The following SOX6 variants were observed in gnomAD, a reference collection of about 807,000 sequenced individuals.
SOX6 encodes the protein SRY-box transcription factor 6.
A neutral mutation model predicts 97.8 loss-of-function variants in SOX6; 11 were observed. The ratio of observed to expected loss-of-function variants is 0.11; its 90% CI spans 0.07 to 0.19. The LOEUF is 0.19. Among genes scored for constraint, SOX6 ranks in the 10% least tolerant of loss-of-function variants. SOX6 has a pLI of 1.00. For synonymous variants in SOX6, 360 were observed against 371.4 expected (o/e 0.97, Z 0.35); for missense variants, 810 against 1,039.5 (o/e 0.78, Z 3.04).
intron 1 of SOX6, among the ~76,000 whole-genome samples, chr11:16,401,731 C>A (rs1858563957): frequency 6.6e-6 from 1 of 151,356 alleles, no homozygotes; most frequent in Non-Finnish European, 1.5e-5. Context: ...CAAAGGAACA[C>A]GGCTTCTCAA....
chr11:16,506,978 C>A (rs539344068), intron 4 of SOX6, among the ~76,000 whole-genome samples: 2 of 143,086 alleles, frequency 1.4e-5, no homozygotes, highest in African/African-American at 5.1e-5. Context: ...GCATGAGAAT[C>A]ACTTGAGCCA....
At chr11:16,058,026 T>C (rs1006637368) in intron 9 of SOX6, among the ~76,000 whole-genome samples, 1 of 152,124 alleles carries the variant, frequency 6.6e-6, no homozygotes, top group Non-Finnish European at 1.5e-5. Context: ...GTCTTTGTAT[T>C]CTAGGAAACT....
intron 2 of SOX6, among the ~76,000 whole-genome samples, chr11:16,727,228 A>T (rs552214293): frequency 1.9e-4 from 28 of 149,214 alleles, no homozygotes; most frequent in Admixed American, 6.7e-4. Context: ...ATTATTTTCC[A>T]TCTTTTTAAT....
At chr11:16,616,331 G>C (rs915375005) in intron 3 of SOX6, among the ~76,000 whole-genome samples, 5 of 151,996 alleles carry the variant, frequency 3.3e-5, no homozygotes, top group Admixed American at 6.6e-5. Flanking sequence ...AAATTTGATA[G>C]TTTACCTCAG....
chr11:16,561,856 G>A (rs1006600658), intron 4 of SOX6, among the ~76,000 whole-genome samples: 1 of 151,920 alleles, frequency 6.6e-6, no homozygotes, highest in African/African-American at 2.4e-5. Context: ...AGCCTCCCTA[G>A]GAGCTAGGAC....
intron 4 of SOX6, among the ~76,000 whole-genome samples, chr11:16,540,899 A>C (rs1291049411): frequency 1.3e-5 from 2 of 152,194 alleles, no homozygotes; most frequent in Non-Finnish European, 2.9e-5. Context: ...ATACTGCCCA[A>C]GGTAATTTAT....
At chr11:16,578,949 T>G (rs578219266) in intron 4 of SOX6, among the ~76,000 whole-genome samples, 1 of 152,232 alleles carries the variant, frequency 6.6e-6, no homozygotes, top group Non-Finnish European at 1.5e-5. Context: ...TGAAAAAAGC[T>G]TGTTTCCTTG....
At chr11:16,640,310 G>C (rs189336005) in intron 3 of SOX6, among the ~76,000 whole-genome samples, 5,155 of 152,288 alleles carry the variant, frequency 0.034, 122 homozygotes, top group Non-Finnish European at 0.056. Context: ...GATTCGGTTT[G>C]CCAGTATTTT....
intron 3 of SOX6, among the ~76,000 whole-genome samples, chr11:16,711,685 C>T (rs1268212821): frequency 1.3e-5 from 2 of 152,070 alleles, no homozygotes; most frequent in Non-Finnish European, 2.9e-5. Context: ...ACTTACTGAT[C>T]ATCTTTCTTT....
rs574741347 is a variant in SOX6 at position 16,607,398 on chromosome 11, G to C, written n.609+4683C>G. ...GGGAGGGCTCCTTGTGCGCTGCGCC[G>C]CAGGAGTAAATGGCATTAAAGAAAA... On this transcript the variant is annotated intron_variant and non_coding_transcript_variant, in intron 4 of 5. Transcript: ENST00000524520. This position sits in a 1 kb window ranked among gnomAD's most constrained non-coding sequence, Gnocchi z 6.5. 1 of 152,398 alleles carries C rather than the reference G, an allele frequency of 6.6e-6. No individual in the cohort carries two copies. Among genetic ancestry groups the C allele is most frequent in the South Asian group, 2.1e-4 (1 of 4,834 alleles). The allele number at this position is 152,398 out of a possible 1,614,324, so 9.4% of individuals were successfully genotyped here. A position where few individuals can be genotyped will look rare whatever the true frequency, so the allele number is the denominator to read the frequency against.
rs371221686 is a variant in SOX6, at chr11:16,209,691, G to C, written c.536-22736C>G. Among the ~76,000 whole-genome samples the C allele has an allele frequency of 1.4e-3, 210 of 152,212 alleles. 1 individual carries two copies. Among genetic ancestry groups the C allele is most frequent in the African/African-American group, 4.7e-3 (196 of 41,538 alleles). On this transcript the variant is annotated intron_variant, in intron 4 of 15. Transcript: ENST00000683767. ...TCGTTTCAGCCTGGAAGGCGGAGAT[G>C]GTAGTGAGCTAAGCTCGTACCACAG...
At chr11:16,706,368 A>C (rs1284762256) in intron 3 of SOX6, among the ~76,000 whole-genome samples, 9 of 145,162 alleles carry the variant, frequency 6.2e-5, no homozygotes, top group African/African-American at 2.3e-4. Context: ...GGATCACTTA[A>C]GCCTGGGAGG....
At chr11:16,500,025 C>T (rs1172451952) in intron 4 of SOX6, among the ~76,000 whole-genome samples, 1 of 152,144 alleles carries the variant, frequency 6.6e-6, no homozygotes, top group Non-Finnish European at 1.5e-5. Context: ...AATTTTAGAC[C>T]AATATCCCTG....
At chr11:16,626,913 T>C (rs1285244817) in intron 3 of SOX6, among the ~76,000 whole-genome samples, 4 of 152,298 alleles carry the variant, frequency 2.6e-5, no homozygotes, top group South Asian at 2.1e-4. Context: ...GGGTACAAAT[T>C]ATCCCATCAC....
intron 4 of SOX6, among the ~76,000 whole-genome samples, chr11:16,594,943 G>T (rs557323787): frequency 1.4e-4 from 21 of 151,924 alleles, no homozygotes; most frequent in African/African-American, 4.8e-4. Flanking sequence ...CGCCCCCCTC[G>T]GCCTCCCCGA....
At chr11:16,129,012 C>T (rs1019529507) in intron 6 of SOX6, among the ~76,000 whole-genome samples, 6 of 151,106 alleles carry the variant, frequency 4.0e-5, no homozygotes, top group Admixed American at 1.3e-4. Flanking sequence ...AGGCATGCAA[C>T]GCCATGCCTG....
At chr11:16,541,002 CCG>C (rs1861398742) in intron 4 of SOX6, among the ~76,000 whole-genome samples, 1 of 152,120 alleles carries the variant, frequency 6.6e-6, no homozygotes, top group Non-Finnish European at 1.5e-5. Flanking sequence ...AAAAAAGGGC[CCG>C]CATTGCCAAG....
chr11:16,730,029 A>AATATATATATATATATATATATAT (rs34591978), intron 2 of SOX6, among the ~76,000 whole-genome samples: 14 of 142,620 alleles, frequency 9.8e-5, no homozygotes, highest in Middle Eastern at 3.6e-3. Context: ...AACTATCCTA[A>AATATATATATATATATATATATAT]ATATATATAT....
At chr11:16,490,596 A>G (rs1860496376) in intron 4 of SOX6, among the ~76,000 whole-genome samples, 1 of 152,088 alleles carries the variant, frequency 6.6e-6, no homozygotes, top group Non-Finnish European at 1.5e-5. Context: ...GAGTATTATT[A>G]GAGATAAAGA....
Sources: gnomAD v4.1 joint callset for allele counts (sites outside exome capture counted in the v4.1 genomes callset) on GRCh38, gnomAD v4.1.1 for gene constraint, Gnocchi (gnomAD v3.1) non-coding constraint, MANE v1.5 for transcripts, NCBI Gene and HGNC (gene_info 2026-07-23, HGNC 2026-07-21) for gene names.